UBAC2: variants seen among roughly 807,000 people sequenced by gnomAD.
UBAC2 encodes the protein ubiquitin-associated domain-containing protein 2.
A neutral mutation model predicts 44.0 loss-of-function variants in UBAC2; 26 were observed. That is an observed-to-expected ratio of 0.59 (90% CI 0.43 to 0.82). UBAC2 has a LOEUF of 0.82. Ranked by LOEUF, UBAC2 falls within the 40% of genes least tolerant of loss-of-function variation. The pLI is 0.00. For missense variants in UBAC2, 329 were observed against 419.4 expected (o/e 0.78, Z 1.88); for synonymous variants, 155 against 154.3 (o/e 1.00, Z -0.04).
intron 4 of UBAC2, chr13:99,255,896 A>G (rs374102574): frequency 8.6e-6 from 13 of 1,516,860 alleles, no homozygotes; most frequent in Non-Finnish European, 1.1e-5. Context: ...GGTAGGCATG[A>G]TACTTAGAAA....
intron 1 of UBAC2, among the ~76,000 whole-genome samples, chr13:99,228,332 G>T (rs2043134244): frequency 6.6e-6 from 1 of 151,356 alleles, no homozygotes; most frequent in Non-Finnish European, 1.5e-5. Context: ...TTGTTGCCCA[G>T]GCTGGAGTGC....
At chr13:99,332,850 C>T (rs1451938407) in intron 6 of UBAC2, among the ~76,000 whole-genome samples, 1 of 152,190 alleles carries the variant, frequency 6.6e-6, no homozygotes, top group Non-Finnish European at 1.5e-5. Flanking sequence ...GTTCCCCCAG[C>T]CCCCTGACAC....
intron 6 of UBAC2, among the ~76,000 whole-genome samples, chr13:99,319,324 TTC>T (rs1410630229): frequency 6.6e-6 from 1 of 152,250 alleles, no homozygotes; most frequent in African/African-American, 2.4e-5. Flanking sequence ...TAGATTTTAT[TTC>T]TTTCTTAGAA....
At chr13:99,338,031 C>CTTTTTTTTTTTTTTTT (rs1053874226) in intron 6 of UBAC2, among the ~76,000 whole-genome samples, 1 of 41,766 alleles carries the variant, frequency 2.4e-5, no homozygotes, top group African/African-American at 7.6e-5. Flanking sequence ...AATCTCCTAA[C>CTTTTTTTTTTTTTTTT]TTTTTTTCTT....
chr13:99,264,954 C>T (rs961099341), intron 4 of UBAC2, among the ~76,000 whole-genome samples: 27 of 148,000 alleles, frequency 1.8e-4, no homozygotes, highest in Non-Finnish European at 3.4e-4. Context: ...AGTTCCTGAT[C>T]TTTGCCATCG....
At chr13:99,201,967 G>C (rs555903412) in intron 1 of UBAC2, among the ~76,000 whole-genome samples, 2 of 151,796 alleles carry the variant, frequency 1.3e-5, no homozygotes, top group Non-Finnish European at 2.9e-5. Context: ...CAGCTACTCG[G>C]GAGGCTGAGG....
intron 1 of UBAC2, chr13:99,215,562 C>A: frequency 4.2e-6 from 6 of 1,418,408 alleles, no homozygotes; most frequent in Non-Finnish European, 5.0e-6. Flanking sequence ...CAGTTCAAGT[C>A]CCTCTGCGGT....
At chr13:99,347,150 G>T (rs2044996800) in intron 7 of UBAC2, among the ~76,000 whole-genome samples, 1 of 151,784 alleles carries the variant, frequency 6.6e-6, no homozygotes, top group South Asian at 2.1e-4. Flanking sequence ...ATACTCTTGA[G>T]AGAACAGTAG....
At chr13:99,335,083 G>A (rs1202542512) in intron 6 of UBAC2, among the ~76,000 whole-genome samples, 2 of 152,150 alleles carry the variant, frequency 1.3e-5, no homozygotes, top group South Asian at 2.1e-4. Context: ...TAATAACAGC[G>A]TCCACAAACA....
Position 99,368,621 on chromosome 13 carries a change from G to A in UBAC2, c.927+715G>A, listed in dbSNP as rs1426158357. Among the ~76,000 whole-genome samples, 11 of 152,070 alleles carry A rather than the reference G, an allele frequency of 7.2e-5. No individual in the cohort carries two copies. In the South Asian group the frequency reaches 2.3e-3, roughly 32 times the overall value. ...GAAGGAAAATAAATATATAAAGCAG[G>A]GAAAGGCAAGGGAGAACCCTGTGGG... On this transcript the variant is annotated intron_variant, in intron 8 of 8. Transcript: ENST00000403766.
intron 7 of UBAC2, among the ~76,000 whole-genome samples, chr13:99,355,116 C>A (rs1020805113): frequency 1.3e-5 from 2 of 152,190 alleles, no homozygotes; most frequent in Non-Finnish European, 2.9e-5. Context: ...GAGTAATCCC[C>A]AGTCTCATTT....
At chr13:99,238,962 T>C (rs1167830317) in intron 2 of UBAC2, among the ~76,000 whole-genome samples, 3 of 152,220 alleles carry the variant, frequency 2.0e-5, no homozygotes, top group African/African-American at 7.2e-5. Context: ...TTTGATAACT[T>C]TTACAGTGGT....
At chr13:99,355,530 G>A (rs1288867767) in intron 7 of UBAC2, among the ~76,000 whole-genome samples, 1 of 152,150 alleles carries the variant, frequency 6.6e-6, no homozygotes, top group African/African-American at 2.4e-5. Flanking sequence ...GAACCCTGTG[G>A]TCCCCCCACG....
intron 7 of UBAC2, among the ~76,000 whole-genome samples, chr13:99,364,477 T>C (rs534357567): frequency 2.6e-5 from 4 of 151,986 alleles, no homozygotes; most frequent in Admixed American, 1.3e-4. Flanking sequence ...TTTTTCTTGC[T>C]CATAATGGCC....
chr13:99,345,553 C>A (rs924390298), intron 7 of UBAC2, among the ~76,000 whole-genome samples: 13 of 151,994 alleles, frequency 8.6e-5, no homozygotes, highest in African/African-American at 2.2e-4. Context: ...GTTAGACACC[C>A]AAGGGGACCC....
chr13:99,297,357 A>G (rs2044192177), intron 4 of UBAC2, among the ~76,000 whole-genome samples: 1 of 152,144 alleles, frequency 6.6e-6, no homozygotes, highest in South Asian at 2.1e-4. Context: ...CTTTCAGCAT[A>G]TCTAGTGATG....
In UBAC2 at chr13:99,338,039, C is replaced by CTTTTTTCTTTTTTT. The variant is rs1566509471; in HGVS notation, c.562-2275_562-2274insCTTTTTTTTTTTTT. Among the ~76,000 whole-genome samples, 469 of 91,466 alleles carry CTTTTTTCTTTTTTT rather than the reference C, an allele frequency of 5.1e-3. 12 individuals are homozygous for CTTTTTTCTTTTTTT. The highest frequency in any genetic ancestry group is 0.018 in the African/African-American group (358 of 19,820). The allele number at this position is 91,466 out of a possible 152,430, so 60.0% of individuals were successfully genotyped here. ...GCAAAAAAATCTCCTAACTTTTTTT[C>CTTTTTTCTTTTTTT]TTTTTTTCTTTTTTTTTTTTTTTTT... On this transcript the variant is annotated intron_variant, in intron 6 of 8. Transcript: ENST00000403766.
At chr13:99,277,971 C>A (rs1458808026) in intron 4 of UBAC2, among the ~76,000 whole-genome samples, 1 of 152,132 alleles carries the variant, frequency 6.6e-6, no homozygotes, top group Admixed American at 6.5e-5. Flanking sequence ...CTCATGGTCT[C>A]CCCATAGAAG....
At chr13:99,242,799 T>TGGAGGGGCTCCTCACTTCTCAGACGGGGC (rs2043331587) in intron 2 of UBAC2, among the ~76,000 whole-genome samples, 1 of 69,404 alleles carries the variant, frequency 1.4e-5, no homozygotes, top group Non-Finnish European at 2.8e-5. Flanking sequence ...CCAGACGGGG[T>TGGAGGGGCTCCTCACTTCTCAGACGGGGC]GGCTGCCGGG....
Sources: allele counts gnomAD v4.1 joint callset (sites outside exome capture counted in the v4.1 genomes callset), GRCh38; gene constraint gnomAD v4.1.1; transcripts MANE v1.5; gene names NCBI Gene and HGNC (gene_info 2026-07-23, HGNC 2026-07-21).